PCDHA3: variants seen among roughly 807,000 people sequenced by gnomAD.
PCDHA3 encodes the protein protocadherin alpha 3.
A neutral mutation model predicts 62.2 loss-of-function variants in PCDHA3; 41 were observed. The ratio of observed to expected loss-of-function variants is 0.66; its 90% CI spans 0.51 to 0.86. The LOEUF (loss-of-function observed/expected upper bound fraction) is 0.86. Ranked by LOEUF, PCDHA3 falls within the 40% of genes least tolerant of loss-of-function variation. The pLI is 0.00. For synonymous variants in PCDHA3, 640 were observed against 555.4 expected (o/e 1.15, Z -2.14); for missense variants, 1,304 against 1,241.2 (o/e 1.05, Z -0.76).
In PCDHA3 at chr5:140,977,999, G is replaced by A. The variant is rs1185111218; in HGVS notation, c.2395-950G>A. Among the ~76,000 whole-genome samples the A allele has an allele frequency of 1.3e-5, 2 of 152,132 alleles. 1 individual carries two copies. The highest frequency in any genetic ancestry group is 4.8e-5 in the African/African-American group (2 of 41,406). ...AAACGCATCTAGAGGAGTGTCACAA[G>A]TTTTTCACAGTGACATTTTTGCTTA... On this transcript the variant is annotated intron_variant, in intron 1 of 3. Coordinates refer to ENST00000522353, the MANE Select transcript of PCDHA3 (RefSeq NM_018906.3).
intron 1 of PCDHA3, among the ~76,000 whole-genome samples, chr5:140,920,362 T>C (rs1167382464): frequency 6.6e-6 from 1 of 152,238 alleles, no homozygotes; most frequent in African/African-American, 2.4e-5. Context: ...GTTCTATTCA[T>C]TTATTCTTGT....
chr5:140,809,106 C>A lies in PCDHA3; in HGVS notation c.2394+5515C>A, dbSNP rs540996422. ...AGCACAACGCGTGCCCTGGACGAAA[C>A]GGACGCTCCGCGCCACCGCCTACTG... On this transcript the variant is annotated intron_variant, in intron 1 of 3. Coordinates refer to ENST00000522353, the MANE Select transcript of PCDHA3 (RefSeq NM_018906.3). The A allele has an allele frequency of 6.2e-6, 10 of 1,613,832 alleles. No homozygotes were observed. In the African/African-American group the frequency reaches 1.3e-4, roughly 22 times the overall value.
At chr5:140,850,521 C>T (rs2041655366) in intron 1 of PCDHA3, 2 of 1,598,110 alleles carry the variant, frequency 1.3e-6, no homozygotes, top group Admixed American at 3.4e-5. Context: ...CGGCCAGGCG[C>T]CAAAGTCATC....
At chr5:140,994,817 T>C (rs1362838008) in intron 3 of PCDHA3, among the ~76,000 whole-genome samples, 3 of 152,068 alleles carry the variant, frequency 2.0e-5, no homozygotes, top group African/African-American at 7.2e-5. Context: ...TACAAAAAAC[T>C]GAATTGTGTA....
intron 1 of PCDHA3, among the ~76,000 whole-genome samples, chr5:140,879,606 G>A (rs1554170878): frequency 6.6e-6 from 1 of 152,196 alleles, no homozygotes; most frequent in Non-Finnish European, 1.5e-5. Context: ...AAAACAATGT[G>A]TCCAGGTACT....
intron 1 of PCDHA3, chr5:140,876,345 T>C (rs2056299947): frequency 6.2e-7 from 1 of 1,614,024 alleles, no homozygotes; most frequent in Non-Finnish European, 8.5e-7. Context: ...GTGAGAAATG[T>C]ATGTTTTCAA....
intron 1 of PCDHA3, chr5:140,824,004 G>C: frequency 6.2e-7 from 1 of 1,614,112 alleles, no homozygotes; most frequent in African/African-American, 1.3e-5. Context: ...GCTCCAGCGC[G>C]GTGGGGAGCT....
At chr5:140,906,709 GC>G (rs1228410148) in intron 1 of PCDHA3, among the ~76,000 whole-genome samples, 7 of 152,190 alleles carry the variant, frequency 4.6e-5, no homozygotes, top group African/African-American at 1.4e-4. Context: ...TTGTAGTCCT[GC>G]CTGGATTGTG....
intron 1 of PCDHA3, chr5:140,859,996 T>A (rs181986889): frequency 4.7e-4 from 71 of 152,116 alleles, no homozygotes; most frequent in Non-Finnish European, 8.7e-4. Context: ...TCTCCATCAA[T>A]ACTAACTTAA....
At chr5:140,907,391 A>G (rs1455875344) in intron 1 of PCDHA3, among the ~76,000 whole-genome samples, 2 of 152,214 alleles carry the variant, frequency 1.3e-5, no homozygotes, top group African/African-American at 2.4e-5. Context: ...GGTCAAAGGC[A>G]ATGCTGTGTG....
At chr5:140,839,812 A>G (rs2150301074) in intron 1 of PCDHA3, among the ~76,000 whole-genome samples, 1 of 152,032 alleles carries the variant, frequency 6.6e-6, no homozygotes, top group African/African-American at 2.4e-5. Flanking sequence ...TTAATTGCCT[A>G]CTATGAAGGC....
At chr5:140,845,370 T>G (rs1032525596) in intron 1 of PCDHA3, among the ~76,000 whole-genome samples, 1 of 149,690 alleles carries the variant, frequency 6.7e-6, no homozygotes, top group African/African-American at 2.4e-5. Flanking sequence ...CAAAATATCA[T>G]AAATAGGAGG....
rs141028628 is a variant in PCDHA3 at position 140,891,378 on chromosome 5, T to A, written c.2395-87571T>A. Among the ~76,000 whole-genome samples the A allele has an allele frequency of 2.3e-4, 35 of 152,222 alleles. 1 individual carries two copies. The East Asian group carries it at 6.8e-3, about 29-fold the overall frequency. On this transcript the variant is annotated intron_variant, in intron 1 of 3. Coordinates refer to ENST00000522353, the MANE Select transcript of PCDHA3 (RefSeq NM_018906.3). ...CACCTGAGCAGTATACATTGCACCA[T>A]ATTTGCAATCTTTTATCCCTCGCCA...
At chr5:140,833,422 G>T (rs548825433) in intron 1 of PCDHA3, among the ~76,000 whole-genome samples, 4 of 152,178 alleles carry the variant, frequency 2.6e-5, no homozygotes, top group Admixed American at 2.0e-4. Context: ...CTGTATGTGA[G>T]ATGGCTGAGC....
In PCDHA3 at chr5:140,846,411, A is replaced by G. The variant is rs2150390591; in HGVS notation, c.2394+42820A>G. On this transcript the variant is annotated intron_variant, in intron 1 of 3. Transcript: ENST00000522353. ...TTTTTTTGAGACGGAGTCTCGCTCT[A>G]TCTCCCAGGCTGGAATGCAGTGGCG... is the stretch of plus-strand genomic sequence containing the variant. Among the ~76,000 whole-genome samples the G allele has an allele frequency of 5.5e-3, 604 of 109,334 alleles. 20 individuals are homozygous for G. The highest frequency in any genetic ancestry group is 0.021 in the African/African-American group (587 of 27,602). 71.7% of individuals were successfully genotyped at this position (109,334 alleles called of 152,430 possible). A position where few individuals can be genotyped will look rare whatever the true frequency, so the allele number is the denominator to read the frequency against.
rs2150365344 is a variant in PCDHA3 at position 140,843,702 on chromosome 5, A to C, written c.2394+40111A>C. ...GGCGAAGAGCAAGATTTAAATGTTG[A>C]TCATGGCCTCAAAGTAAGTCCATTT... On this transcript the variant is annotated intron_variant, in intron 1 of 3. Transcript: ENST00000522353. 12 of 1,580,560 alleles carry C rather than the reference A, an allele frequency of 7.6e-6. 1 individual carries two copies. In the African/African-American group the frequency reaches 1.5e-4, roughly 20 times the overall value.
chr5:140,980,091 T>A (rs2096876102), intron 2 of PCDHA3, among the ~76,000 whole-genome samples: 1 of 152,218 alleles, frequency 6.6e-6, no homozygotes, highest in Non-Finnish European at 1.5e-5. Flanking sequence ...GTAGTTGGCT[T>A]GGTAAGATGT....
intron 1 of PCDHA3, chr5:140,823,622 G>A: frequency 6.2e-7 from 1 of 1,614,026 alleles, no homozygotes; most frequent in Middle Eastern, 1.7e-4. Context: ...GCGCCTGGCA[G>A]TGCGCGCATC....
intron 1 of PCDHA3, chr5:140,843,908 G>T: frequency 1.6e-6 from 1 of 638,262 alleles, no homozygotes. Context: ...TCCACAAGTT[G>T]GGTCTATCTT....
Sources: allele counts gnomAD v4.1 joint callset (sites outside exome capture counted in the v4.1 genomes callset), GRCh38; gene constraint gnomAD v4.1.1; transcripts MANE v1.5; gene names NCBI Gene and HGNC (gene_info 2026-07-23, HGNC 2026-07-21).